Variants in DCLK1 observed in about 807,000 individuals in gnomAD.
DCLK1 encodes doublecortin like kinase 1.
A neutral mutation model predicts 86.2 loss-of-function variants in DCLK1; 16 were observed. That is an observed-to-expected ratio of 0.19 (90% confidence interval 0.13 to 0.28). The LOEUF (loss-of-function observed/expected upper bound fraction) is 0.28, where lower values mean the gene tolerates loss of function less well. Ranked by LOEUF, DCLK1 falls within the 10% of genes least tolerant of loss-of-function variation. The probability of loss-of-function intolerance (pLI) is 1.00; values close to 1 mark genes in which losing one functional copy is unlikely to be tolerated. For synonymous variants in DCLK1, 369 were observed against 370.5 expected, an observed-to-expected ratio of 1.00 and a Z score of 0.05; for missense variants, 590 against 940.2, an observed-to-expected ratio of 0.63 and a Z score of 4.87.
chr13:35,941,834 A>G (rs1566613040), intron 4 of DCLK1, among the ~76,000 whole-genome samples: 1 of 152,178 alleles, frequency 6.6e-6, no homozygotes, highest in Admixed American at 6.5e-5. Flanking sequence ...AACATTTTCC[A>G]GTATAAAAAT....
intron 3 of DCLK1, among the ~76,000 whole-genome samples, chr13:35,973,342 C>T (rs1288141134): frequency 6.6e-6 from 1 of 152,184 alleles, no homozygotes; most frequent in Admixed American, 6.5e-5. Context: ...CCTGGGAAGA[C>T]CTCCCCTTGC....
chr13:35,949,257 T>C (rs1478111356), intron 3 of DCLK1, among the ~76,000 whole-genome samples: 1 of 152,250 alleles, frequency 6.6e-6, no homozygotes, highest in Non-Finnish European at 1.5e-5. Flanking sequence ...AATGTTCTAA[T>C]GTACACCATG....
chr13:35,933,598 G>A (rs9601667), intron 4 of DCLK1, among the ~76,000 whole-genome samples: 82,607 of 152,090 alleles, frequency 0.54, 25,294 homozygotes, highest in Admixed American at 0.68. Flanking sequence ...CAAGACTTGG[G>A]GCTTGCACCA....
chr13:35,833,130 C>T (rs1869093159), intron 8 of DCLK1, among the ~76,000 whole-genome samples: 1 of 152,100 alleles, frequency 6.6e-6, no homozygotes, highest in African/African-American at 2.4e-5. Flanking sequence ...TTATAGGTGC[C>T]GGTGGGAGAG....
chr13:36,102,976 T>C (rs1885267778), intron 3 of DCLK1, among the ~76,000 whole-genome samples: 1 of 152,178 alleles, frequency 6.6e-6, no homozygotes, highest in Non-Finnish European at 1.5e-5. Context: ...AGAGAGGGAA[T>C]GGCTTGATAC....
At position 35,847,203 on chromosome 13, in the gene DCLK1, A is replaced by AT. The variant is rs1410072927; in HGVS notation, c.1035+7295dup. 13 of 983,046 alleles carry AT rather than the reference A, an allele frequency of 1.3e-5. No individual in the cohort carries two copies. The Admixed American group carries it at 1.8e-4, about 14-fold the overall frequency. The allele number at this position is 983,046 out of a possible 1,614,324, so 60.9% of individuals were successfully genotyped here. A position where few individuals can be genotyped will look rare whatever the true frequency, so the allele number is the denominator to read the frequency against. ...CAATATTGGATTTAGCTGAATTTCA[A>AT]TTTTTTTATAAATCAGTATATCTGA... On this transcript the variant is annotated intron_variant, in intron 6 of 16. Transcript: ENST00000360631.
intron 3 of DCLK1, among the ~76,000 whole-genome samples, chr13:36,066,555 A>T (rs1221101503): frequency 1.3e-5 from 2 of 152,132 alleles, no homozygotes; most frequent in Non-Finnish European, 2.9e-5. Context: ...GTCTTCCATC[A>T]TAGTGGGGAG....
At chr13:35,998,873 T>C (rs1369306753) in intron 3 of DCLK1, among the ~76,000 whole-genome samples, 1 of 152,184 alleles carries the variant, frequency 6.6e-6, no homozygotes, top group African/African-American at 2.4e-5. Flanking sequence ...TTTTTATCAC[T>C]GGGCAGTGAA....
intron 4 of DCLK1, 79 bp from the exon 5 acceptor site, chr13:35,871,419 G>C: frequency 8.4e-7 from 1 of 1,188,660 alleles, no homozygotes; most frequent in East Asian, 2.4e-5. Context: ...AATAAACCTG[G>C]AAGTAGAAAT....
chr13:35,854,587 C>T lies in DCLK1; in HGVS notation c.947G>A (p.Gly316Glu). 1 of 1,589,138 alleles carries T rather than the reference C, an allele frequency of 6.3e-7. No individual in the cohort carries two copies. Among genetic ancestry groups the T allele is most frequent in the Non-Finnish European group, 8.6e-7 (1 of 1,165,912 alleles). ...KSPASTSSVNGTPGSQLSTPR... is the reference protein window; with the variant it reads ...KSPASTSSVNETPGSQLSTPR... ...AGTAGAGAGCTGACTACCAGGGGTTCCATTAACTAGAAATACAAAGAATCA... is the reference window on the plus strand; with the variant it reads ...AGTAGAGAGCTGACTACCAGGGGTTTCATTAACTAGAAATACAAAGAATCA... The change falls in exon 6 of 17, where the codon GGA (glycine) becomes GAA (glutamate). Residue 316 changes from glycine to glutamate, a missense_variant. This residue lies in a region of DCLK1 where 195 missense variants were observed against 365.1 expected (regional missense o/e 0.53). Coordinates refer to ENST00000360631, the MANE Select transcript of DCLK1 (RefSeq NM_001330071.2).
chr13:35,919,330 T>C (rs1484084121), intron 4 of DCLK1, among the ~76,000 whole-genome samples: 2 of 152,188 alleles, frequency 1.3e-5, no homozygotes, highest in South Asian at 2.1e-4. Context: ...TTCTTCAGGC[T>C]TGTAGCGTCT....
chr13:35,891,183 A>G (rs1873622490), intron 4 of DCLK1, among the ~76,000 whole-genome samples: 1 of 152,178 alleles, frequency 6.6e-6, no homozygotes, highest in Admixed American at 6.5e-5. Context: ...AAAATGACCA[A>G]TAAGGCAGAT....
At chr13:36,056,179 C>T (rs111426658) in intron 3 of DCLK1, among the ~76,000 whole-genome samples, 2,782 of 118,306 alleles carry the variant, frequency 0.024, 34 homozygotes, top group South Asian at 0.057. Flanking sequence ...ATGTTTATTG[C>T]GGCATTATTC....
At chr13:35,797,741 A>G (rs2086841011) in intron 15 of DCLK1, among the ~76,000 whole-genome samples, 1 of 152,196 alleles carries the variant, frequency 6.6e-6, no homozygotes, top group Non-Finnish European at 1.5e-5. Flanking sequence ...TTTTCAGCAT[A>G]ATTGGATAAA....
chr13:36,111,434 T>A (rs1255478305), intron 3 of DCLK1, among the ~76,000 whole-genome samples: 1 of 152,160 alleles, frequency 6.6e-6, no homozygotes. Flanking sequence ...TAAGTAAATC[T>A]CACTAGCGAA....
At chr13:35,980,584 A>T (rs1405920321) in intron 3 of DCLK1, among the ~76,000 whole-genome samples, 2 of 152,164 alleles carry the variant, frequency 1.3e-5, no homozygotes, top group Non-Finnish European at 2.9e-5. Flanking sequence ...TTTGAATACT[A>T]TAGATCATGG....
At chr13:35,785,608 G>C (rs1398318330) in intron 16 of DCLK1, among the ~76,000 whole-genome samples, 3 of 152,174 alleles carry the variant, frequency 2.0e-5, no homozygotes, top group Admixed American at 1.3e-4. Context: ...CCAGTTAAGA[G>C]AGACAGACCA....
chr13:35,862,683 C>T (rs1871491869), intron 5 of DCLK1, among the ~76,000 whole-genome samples: 1 of 152,184 alleles, frequency 6.6e-6, no homozygotes. Context: ...GAATTCTATC[C>T]TGCATTTTTA....
chr13:35,920,742 G>A (rs1256100154), intron 4 of DCLK1, among the ~76,000 whole-genome samples: 3 of 152,070 alleles, frequency 2.0e-5, no homozygotes, highest in East Asian at 3.9e-4. Context: ...GGGAGGTGCC[G>A]GGAGGAGGGA....
Sources: gnomAD v4.1 joint callset for allele counts (sites outside exome capture counted in the v4.1 genomes callset) on GRCh38, gnomAD v4.1.1 for gene constraint, gnomAD v4.1.1 regional missense constraint, MANE v1.5 for transcripts, NCBI Gene and HGNC (gene_info 2026-07-23, HGNC 2026-07-21) for gene names.